CORO2B: variants seen among roughly 807,000 people sequenced by gnomAD.
CORO2B encodes the protein coronin 2B, also known as coronin-2B.
CORO2B carries 26 observed loss-of-function variants against 58.8 expected under a neutral mutation model. That is an observed-to-expected ratio of 0.44 (90% CI 0.32 to 0.61). The LOEUF is 0.61. Ranked by LOEUF, CORO2B falls within the 20% of genes least tolerant of loss-of-function variation. The pLI, the probability that CORO2B is intolerant of heterozygous loss-of-function variation, is 0.04. For synonymous variants in CORO2B, 242 were observed against 253.8 expected (o/e 0.95, Z 0.44); for missense variants, 460 against 645.1 (o/e 0.71, Z 3.11).
rs115452072 is a variant in CORO2B, at chr15:68,699,356, G to T, written c.333+4100G>T. Among the ~76,000 whole-genome samples the T allele has an allele frequency of 8.7e-3, 1,325 of 152,238 alleles. 18 individuals are homozygous for T. The highest frequency in any genetic ancestry group is 0.03 in the African/African-American group (1,266 of 41,538). ...CACTACACGCTCCAGGGAACCAAGG[G>T]GACCTGTGTGGATGGAGGGGGTCAC... On this transcript the variant is annotated intron_variant, in intron 3 of 11. Coordinates refer to ENST00000261861, the MANE Select transcript of CORO2B (RefSeq NM_006091.5).
chr15:68,695,082 G>C (rs1427418202), intron 2 of CORO2B, 58 bp from the exon 3 acceptor site: 4 of 1,370,144 alleles, frequency 2.9e-6, no homozygotes, highest in African/African-American at 1.4e-5. Flanking sequence ...TCCATTCAAG[G>C]CCACCCCAGG....
intron 2 of CORO2B, among the ~76,000 whole-genome samples, chr15:68,675,540 G>A (rs751071333): frequency 1.2e-4 from 19 of 152,138 alleles, no homozygotes; most frequent in East Asian, 1.9e-4. Flanking sequence ...TAGTTGCTGC[G>A]TGATCTTGAG....
chr15:68,718,832 T>A, intron 9 of CORO2B, 22 bp downstream of exon 9: 1 of 1,583,668 alleles, frequency 6.3e-7, no homozygotes, highest in Non-Finnish European at 8.7e-7. Flanking sequence ...TGGGCTGGGC[T>A]CCAGGAGGGG....
At chr15:68,663,198 A>G (rs1250862095) in intron 2 of CORO2B, among the ~76,000 whole-genome samples, 1 of 152,224 alleles carries the variant, frequency 6.6e-6, no homozygotes, top group Non-Finnish European at 1.5e-5. Context: ...TATATCTTGG[A>G]GATCTTTTCA....
At chr15:68,555,443 C>T in the CORO2B span, among the ~76,000 whole-genome samples, 2 of 152,168 alleles carry the variant, frequency 1.3e-5, no homozygotes, top group African/African-American at 2.4e-5. Flanking sequence ...GAGCTCACAG[C>T]CCCTGACTTG....
At chr15:68,668,612 C>T (rs1355859337) in intron 2 of CORO2B, among the ~76,000 whole-genome samples, 1 of 152,128 alleles carries the variant, frequency 6.6e-6, no homozygotes, top group African/African-American at 2.4e-5. Context: ...GGGCGGGGAG[C>T]CCCAGGGTGG....
chr15:68,577,670 G>C (rs965919747), upstream of CORO2B, among the ~76,000 whole-genome samples: 1 of 146,344 alleles, frequency 6.8e-6, no homozygotes, highest in African/African-American at 2.5e-5. Context: ...GCAGTGAGCC[G>C]AGATCGCGCC....
At chr15:68,672,086 C>T (rs996435794) in intron 2 of CORO2B, among the ~76,000 whole-genome samples, 3 of 151,602 alleles carry the variant, frequency 2.0e-5, no homozygotes, top group East Asian at 1.9e-4. Context: ...TCCACTTGTT[C>T]GCTGAGTGCA....
chr15:68,538,207 C>T, the CORO2B span, among the ~76,000 whole-genome samples: 2 of 152,178 alleles, frequency 1.3e-5, no homozygotes, highest in Non-Finnish European at 2.9e-5. Flanking sequence ...TTCCCTTTCT[C>T]CTTTTTTTCT....
At chr15:68,670,325 C>A (rs76897739) in intron 2 of CORO2B, among the ~76,000 whole-genome samples, 1,573 of 152,156 alleles carry the variant, frequency 0.01, 27 homozygotes, top group African/African-American at 0.036. Context: ...CAGGTGTGCA[C>A]CACTAAGCCT....
chr15:68,590,359 C>A (rs556503609), intron 1 of CORO2B, among the ~76,000 whole-genome samples: 44 of 152,268 alleles, frequency 2.9e-4, no homozygotes, highest in Admixed American at 1.2e-3. Context: ...GGAGGCTGCC[C>A]CCCCATGCCC....
At chr15:68,530,714 T>C in the CORO2B span, among the ~76,000 whole-genome samples, 7 of 152,334 alleles carry the variant, frequency 4.6e-5, no homozygotes, top group African/African-American at 1.7e-4. Flanking sequence ...TAAATATTTC[T>C]CTTATGTCTA....
intron 3 of CORO2B, among the ~76,000 whole-genome samples, chr15:68,699,173 G>A (rs186893045): frequency 1.3e-5 from 2 of 152,260 alleles, no homozygotes; most frequent in East Asian, 1.9e-4. Flanking sequence ...GTGGTGGTCA[G>A]TGAGAGGAGC....
At chr15:68,697,361 A>C (rs1892539754) in intron 3 of CORO2B, among the ~76,000 whole-genome samples, 1 of 152,228 alleles carries the variant, frequency 6.6e-6, no homozygotes, top group South Asian at 2.1e-4. Context: ...AGGTGGGTAG[A>C]TGGATGAATG....
At chr15:68,670,415 A>G (rs1406633094) in intron 2 of CORO2B, among the ~76,000 whole-genome samples, 3 of 151,970 alleles carry the variant, frequency 2.0e-5, no homozygotes, top group African/African-American at 7.3e-5. Context: ...CCTGGGCTCA[A>G]GTGATCCTCC....
Position 68,710,332 on chromosome 15 carries a change from G to A in CORO2B, c.334-400G>A, listed in dbSNP as rs934237885. Among the ~76,000 whole-genome samples the A allele has an allele frequency of 2.0e-5, 3 of 152,218 alleles. No homozygotes were observed. The highest frequency in any genetic ancestry group is 4.4e-5 in the Non-Finnish European group (3 of 68,030). On this transcript the variant is annotated intron_variant, in intron 3 of 11. Coordinates refer to ENST00000261861, the MANE Select transcript of CORO2B (RefSeq NM_006091.5). This position sits in a 1 kb window ranked among gnomAD's most constrained non-coding sequence, Gnocchi z 4.1. ...CCTGCAGTCCAAACAGCCAAAGTGG[G>A]GCTGAGCAGAGTAGCAGGAAGGCAG... is the stretch of plus-strand genomic sequence containing the variant.
At chr15:68,558,148 G>A in the CORO2B span, among the ~76,000 whole-genome samples, 1 of 152,138 alleles carries the variant, frequency 6.6e-6, no homozygotes, top group African/African-American at 2.4e-5. Flanking sequence ...CCTGGCGGAG[G>A]GCAGATAAGA....
At chr15:68,641,250 A>T (rs577086846) in intron 1 of CORO2B, among the ~76,000 whole-genome samples, 123 of 152,216 alleles carry the variant, frequency 8.1e-4, no homozygotes, top group African/African-American at 2.9e-3. Flanking sequence ...ATGCCTGCTC[A>T]CCCCGAGCCT....
At chr15:68,625,648 A>G (rs929023869) in intron 1 of CORO2B, among the ~76,000 whole-genome samples, 5 of 151,948 alleles carry the variant, frequency 3.3e-5, no homozygotes, top group Non-Finnish European at 5.9e-5. Flanking sequence ...TTTGTCTCCC[A>G]GGCTAGAGTG....
Sources: allele counts gnomAD v4.1 joint callset (sites outside exome capture counted in the v4.1 genomes callset), GRCh38; gene constraint gnomAD v4.1.1; non-coding constraint Gnocchi (gnomAD v3.1); transcripts MANE v1.5; gene names NCBI Gene and HGNC (gene_info 2026-07-23, HGNC 2026-07-21).